Variants in PCDHGB1 observed in about 807,000 individuals in gnomAD.
PCDHGB1 encodes protocadherin gamma subfamily B, 1.
A neutral mutation model predicts 56.6 loss-of-function variants in PCDHGB1; 34 were observed. The ratio of observed to expected loss-of-function variants is 0.60; its 90% CI spans 0.46 to 0.80. The LOEUF is 0.80. Among genes scored for constraint, PCDHGB1 ranks in the 30% least tolerant of loss-of-function variants. The pLI, the probability that PCDHGB1 is intolerant of heterozygous loss-of-function variation, is 0.00. For missense variants in PCDHGB1, 1,278 were observed against 1,204.6 expected (o/e 1.06, Z -0.90); for synonymous variants, 561 against 505.9 (o/e 1.11, Z -1.46).
intron 1 of PCDHGB1, among the ~76,000 whole-genome samples, chr5:141,380,592 C>A (rs1776595781): frequency 6.6e-6 from 1 of 152,050 alleles, no homozygotes; most frequent in South Asian, 2.1e-4. Flanking sequence ...TAGTAAAGAT[C>A]TTTAATATTT....
chr5:141,386,789 A>G lies in PCDHGB1; in HGVS notation c.2409+34120A>G, dbSNP rs144966256. Among the ~76,000 whole-genome samples the G allele has an allele frequency of 8.8e-3, 1,344 of 152,342 alleles. 18 individuals carry two copies. Among genetic ancestry groups the G allele is most frequent in the African/African-American group, 0.031 (1,269 of 41,584 alleles). On this transcript the variant is annotated intron_variant, in intron 1 of 3. Coordinates refer to ENST00000523390, the MANE Select transcript of PCDHGB1 (RefSeq NM_018922.3). ...GTATTTTGTAAAAGAAAATCTCCTG[A>G]CCAAAATTTATTAGATGCATAAAAT...
At chr5:141,453,544 C>T (rs540372287) in intron 1 of PCDHGB1, among the ~76,000 whole-genome samples, 12 of 152,310 alleles carry the variant, frequency 7.9e-5, no homozygotes, top group African/African-American at 2.9e-4. Flanking sequence ...ATTCACACCA[C>T]ACTCTGTAGA....
chr5:141,480,240 C>CAA (rs11374694), intron 1 of PCDHGB1, among the ~76,000 whole-genome samples: 156 of 114,060 alleles, frequency 1.4e-3, no homozygotes, highest in Admixed American at 4.6e-3. Flanking sequence ...CCTGTCTCTA[C>CAA]AAAAAAAAAA....
intron 1 of PCDHGB1, among the ~76,000 whole-genome samples, chr5:141,471,692 C>A (rs1293253544): frequency 6.6e-6 from 1 of 152,118 alleles, no homozygotes; most frequent in African/African-American, 2.4e-5. Context: ...TTCTGAAATT[C>A]TGGCTGGAAT....
Position 141,352,720 on chromosome 5 carries a change from T to C in PCDHGB1, c.2409+51T>C, listed in dbSNP as rs1364046182. 2.0e-6 allele frequency: 3 copies of C among 1,536,122 alleles called. No homozygotes were observed. The Admixed American group carries it at 5.9e-5, about 30-fold the overall frequency. The stretch of plus-strand genomic sequence containing the variant: ...TTTTATATATGGCGGCCGGGCGCGG[T>C]GGCTCAAGCCTGTAATCCCAGCACT... On this transcript the variant is annotated intron_variant, in intron 1 of 3. Transcript: ENST00000523390.
intron 1 of PCDHGB1, chr5:141,361,095 A>T (rs1309829041): frequency 1.9e-6 from 3 of 1,613,896 alleles, no homozygotes; most frequent in Non-Finnish European, 2.5e-6. Context: ...TGAGTATCGA[A>T]GCAAAAGATC....
At position 141,351,578 on chromosome 5, in the gene PCDHGB1, G is replaced by A. The variant is rs758216831; in HGVS notation, c.1318G>A (p.Asp440Asn). The change falls in exon 1 of 4, where the codon GAC (aspartate) becomes AAC (asparagine). Residue 440 changes from aspartate (D) to asparagine (N), a missense_variant. Asp to Asn is a conservative substitution (Grantham distance 23). Coordinates refer to ENST00000523390, the MANE Select transcript of PCDHGB1 (RefSeq NM_018922.3). ...GACAAGCATCACCCTGCACATCTCC[G>A]ACATCAACGACAATGCACCTGTTTT... ...SRTSITLHIS[D>N]INDNAPVFHQ... 213 of 1,613,878 alleles carry A rather than the reference G, an allele frequency of 1.3e-4. No individual in the cohort carries two copies. Among genetic ancestry groups the A allele is most frequent in the Non-Finnish European group, 1.8e-4 (212 of 1,179,894 alleles).
At chr5:141,360,382 GACTT>G (rs771983102) in intron 1 of PCDHGB1, 1 of 1,613,906 alleles carries the variant, frequency 6.2e-7, no homozygotes, top group Non-Finnish European at 8.5e-7. Context: ...AGAAAGCGGA[GACTT>G]ACTTGTGAGT....
At chr5:141,399,341 C>T in intron 1 of PCDHGB1, 2 of 1,613,938 alleles carry the variant, frequency 1.2e-6, no homozygotes, top group Non-Finnish European at 1.7e-6. Context: ...ACAGATGGAA[C>T]CCTAGACCGA....
chr5:141,468,282 G>A (rs1368214716), intron 1 of PCDHGB1, among the ~76,000 whole-genome samples: 1 of 140,012 alleles, frequency 7.1e-6, no homozygotes, highest in African/African-American at 2.7e-5. Context: ...CCGAGACCAC[G>A]CCATTGCACC....
At chr5:141,473,750 G>C (rs777343462) in intron 1 of PCDHGB1, among the ~76,000 whole-genome samples, 1 of 152,192 alleles carries the variant, frequency 6.6e-6, no homozygotes, top group Non-Finnish European at 1.5e-5. Context: ...TGAGAACTTG[G>C]ATACTATGCA....
intron 1 of PCDHGB1, among the ~76,000 whole-genome samples, chr5:141,443,829 A>G (rs1387307023): frequency 6.6e-6 from 1 of 152,228 alleles, no homozygotes; most frequent in Non-Finnish European, 1.5e-5. Flanking sequence ...ATAATTAGGT[A>G]AAATGGGTAA....
At chr5:141,494,223 C>T (rs1435042163) in intron 1 of PCDHGB1, among the ~76,000 whole-genome samples, 2 of 152,192 alleles carry the variant, frequency 1.3e-5, no homozygotes, top group African/African-American at 4.8e-5. Context: ...TGGCATGACT[C>T]CTAAATTAAT....
chr5:141,491,705 G>A lies in PCDHGB1; in HGVS notation c.2410-3102G>A. ...ACGCTGCGGGAGCGGAGCCAGGTGA[G>A]GGGCTCGGCGCCGCCCCGGGCGACC... is the stretch of plus-strand genomic sequence containing the variant. On this transcript the variant is annotated intron_variant, in intron 1 of 3. Transcript: ENST00000523390. The surrounding 1 kb of genome is among the most constrained non-coding windows in gnomAD (Gnocchi z 6.9). 1 of 1,611,064 alleles carries A rather than the reference G, an allele frequency of 6.2e-7. No homozygotes were observed. Among genetic ancestry groups the A allele is most frequent in the South Asian group, 1.1e-5 (1 of 90,828 alleles).
At chr5:141,416,132 A>G (rs939839074) in intron 1 of PCDHGB1, 1 of 153,964 alleles carries the variant, frequency 6.5e-6, no homozygotes, top group Non-Finnish European at 1.4e-5. Flanking sequence ...ATATTTTTCA[A>G]TCTATACTTT....
chr5:141,493,141 C>T lies in PCDHGB1; in HGVS notation c.2410-1666C>T, dbSNP rs1327581425. On this transcript the variant is annotated intron_variant, in intron 1 of 3. Coordinates refer to ENST00000523390, the MANE Select transcript of PCDHGB1 (RefSeq NM_018922.3). This position sits in a 1 kb window ranked among gnomAD's most constrained non-coding sequence, Gnocchi z 4.3. ...CTCCTAGGACTGTATTTTGAAACAC[C>T]CCCAGGTGATTTTGATAGCTGATTG... Among the ~76,000 whole-genome samples the T allele has an allele frequency of 1.4e-5, 2 of 146,284 alleles. No homozygotes were observed. Among genetic ancestry groups the T allele is most frequent in the East Asian group, 2.0e-4 (1 of 5,022 alleles).
chr5:141,454,990 T>C (rs548911982), intron 1 of PCDHGB1, among the ~76,000 whole-genome samples: 1 of 151,490 alleles, frequency 6.6e-6, no homozygotes, highest in African/African-American at 2.4e-5. Context: ...TAAAAAATAT[T>C]TTTAGTAGAG....
chr5:141,421,397 C>T, intron 1 of PCDHGB1: 1 of 1,614,030 alleles, frequency 6.2e-7, no homozygotes, highest in Non-Finnish European at 8.5e-7. Context: ...GGGCTGGAGC[C>T]CCGGGAGCTG....
At chr5:141,388,536 G>A (rs1262935958) in intron 1 of PCDHGB1, 1 of 1,613,716 alleles carries the variant, frequency 6.2e-7, no homozygotes, top group Non-Finnish European at 8.5e-7. Context: ...CTTGGACTTT[G>A]GAGCTCCACC....
Sources: gnomAD v4.1 joint callset for allele counts (sites outside exome capture counted in the v4.1 genomes callset) on GRCh38, gnomAD v4.1.1 for gene constraint, Gnocchi (gnomAD v3.1) non-coding constraint, MANE v1.5 for transcripts, NCBI Gene and HGNC (gene_info 2026-07-23, HGNC 2026-07-21) for gene names.